Variants in KCNH7 observed in about 807,000 individuals in gnomAD.
The protein encoded by KCNH7 is voltage-gated inwardly rectifying potassium channel KCNH7.
Under a neutral mutation model 120.8 loss-of-function variants are expected in KCNH7, and 49 were observed. The observed-to-expected ratio is 0.41, with a 90% CI of 0.32 to 0.51. KCNH7 has a LOEUF of 0.51. Ranked by LOEUF, KCNH7 falls within the 20% of genes least tolerant of loss-of-function variation. The pLI, the probability that KCNH7 is intolerant of heterozygous loss-of-function variation, is 0.38. For synonymous variants in KCNH7, 547 were observed against 516.1 expected (o/e 1.06, Z -0.81); for missense variants, 1,097 against 1,446.6 (o/e 0.76, Z 3.92).
At chr2:162,567,540 G>C (rs1693299555) in intron 2 of KCNH7, among the ~76,000 whole-genome samples, 1 of 151,958 alleles carries the variant, frequency 6.6e-6, no homozygotes, top group South Asian at 2.1e-4. Flanking sequence ...CTTCAGTAGA[G>C]CATCCAAGTG....
chr2:162,526,021 T>C (rs1225921641), intron 3 of KCNH7, among the ~76,000 whole-genome samples: 2 of 151,992 alleles, frequency 1.3e-5, no homozygotes, highest in East Asian at 3.9e-4. Flanking sequence ...TTTTCTATTT[T>C]CCCTAAGTGT....
chr2:162,554,195 A>G lies in KCNH7; in HGVS notation c.308-17115T>C, dbSNP rs555733822. On this transcript the variant is annotated intron_variant, in intron 2 of 15. Coordinates refer to ENST00000332142, the MANE Select transcript of KCNH7 (RefSeq NM_033272.4). ...TGCCTCTGGTGAGAAACTGTGAATT[A>G]CTTGTTTGGTAAAATCAAGACAACA... is the stretch of plus-strand genomic sequence containing the variant. Among the ~76,000 whole-genome samples, 29 of 152,300 alleles carry G rather than the reference A, an allele frequency of 1.9e-4. No individual in the cohort carries two copies. In the South Asian group the frequency reaches 5.6e-3, roughly 29 times the overall value.
intron 2 of KCNH7, among the ~76,000 whole-genome samples, chr2:162,736,235 G>A (rs1033787916): frequency 6.6e-6 from 1 of 152,168 alleles, no homozygotes; most frequent in Non-Finnish European, 1.5e-5. Context: ...CTCATGCAAT[G>A]AGTTGCTTTT....
At chr2:162,758,549 C>A (rs928212268) in intron 2 of KCNH7, among the ~76,000 whole-genome samples, 9 of 151,542 alleles carry the variant, frequency 5.9e-5, no homozygotes, top group Admixed American at 5.9e-4. Flanking sequence ...ATATATGTGG[C>A]TACATATACA....
intron 2 of KCNH7, among the ~76,000 whole-genome samples, chr2:162,821,199 C>T (rs953634166): frequency 6.6e-6 from 1 of 152,212 alleles, no homozygotes; most frequent in Non-Finnish European, 1.5e-5. Context: ...GTCAAAGATA[C>T]CTTGTAAGGG....
intron 2 of KCNH7, among the ~76,000 whole-genome samples, chr2:162,597,529 C>T (rs1694418559): frequency 6.6e-6 from 1 of 151,940 alleles, no homozygotes; most frequent in Non-Finnish European, 1.5e-5. Flanking sequence ...TTATCAGAGG[C>T]TGGGGAGGTA....
chr2:162,674,112 T>C (rs1479334421), intron 2 of KCNH7, among the ~76,000 whole-genome samples: 1 of 151,830 alleles, frequency 6.6e-6, no homozygotes, highest in Non-Finnish European at 1.5e-5. Flanking sequence ...AGATGACACA[T>C]TTATATACAA....
chr2:162,687,218 G>T (rs9808539), intron 2 of KCNH7, among the ~76,000 whole-genome samples: 1 of 151,804 alleles, frequency 6.6e-6, no homozygotes, highest in Admixed American at 6.6e-5. Flanking sequence ...GACGATTTGC[G>T]TTGCCATGTA....
intron 2 of KCNH7, among the ~76,000 whole-genome samples, chr2:162,820,630 T>C (rs982489192): frequency 4.6e-5 from 7 of 152,200 alleles, no homozygotes; most frequent in African/African-American, 1.7e-4. Context: ...TTTCTTTCTT[T>C]CTTTTTCTTT....
intron 2 of KCNH7, among the ~76,000 whole-genome samples, chr2:162,728,205 G>A (rs2105386271): frequency 6.6e-6 from 1 of 150,908 alleles, no homozygotes; most frequent in African/African-American, 2.4e-5. Flanking sequence ...TAAAACGTAA[G>A]TAGTGGTTTA....
chr2:162,639,548 G>A (rs1450780381), intron 2 of KCNH7, among the ~76,000 whole-genome samples: 2 of 151,948 alleles, frequency 1.3e-5, no homozygotes, highest in East Asian at 3.9e-4. Flanking sequence ...TCTTTACCTG[G>A]CCTGTTATGG....
Position 162,557,163 on chromosome 2 carries a change from G to A in KCNH7, c.308-20083C>T, listed in dbSNP as rs191623700. Among the ~76,000 whole-genome samples the A allele has an allele frequency of 1.6e-3, 247 of 152,268 alleles. 1 individual carries two copies. Among genetic ancestry groups the A allele is most frequent in the Non-Finnish European group, 2.7e-3 (183 of 68,024 alleles). On this transcript the variant is annotated intron_variant, in intron 2 of 15. Coordinates refer to ENST00000332142, the MANE Select transcript of KCNH7 (RefSeq NM_033272.4). The stretch of plus-strand genomic sequence containing the variant: ...CTGCTGTCATCTGAAGGCTGACTTC[G>A]GAAATTCAAGACGGTGCACTCATAT...
intron 9 of KCNH7, among the ~76,000 whole-genome samples, chr2:162,412,883 T>C (rs1244374685): frequency 4.6e-5 from 7 of 152,286 alleles, no homozygotes; most frequent in Admixed American, 2.6e-4. Context: ...TCCTTGAAAT[T>C]ATTAGTAAAT....
intron 13 of KCNH7, among the ~76,000 whole-genome samples, chr2:162,380,293 T>C (rs1015821737): frequency 1.3e-5 from 2 of 152,104 alleles, no homozygotes; most frequent in African/African-American, 4.8e-5. Context: ...TTTCTGTTTG[T>C]GCTAGGAGAA....
rs554788885 is a variant in KCNH7, at chr2:162,684,616, A to C, written c.308-147536T>G. ...GAAAAAAAGCTCATCATCACTGGTCATTAGAGAAATGCAAATCAAAACCAC... is the reference window on the plus strand; with the variant it reads ...GAAAAAAAGCTCATCATCACTGGTCCTTAGAGAAATGCAAATCAAAACCAC... On this transcript the variant is annotated intron_variant, in intron 2 of 15. Transcript: ENST00000332142. Among the ~76,000 whole-genome samples, 205 of 152,342 alleles carry C rather than the reference A, an allele frequency of 1.3e-3. 2 individuals carry two copies. Among genetic ancestry groups the C allele is most frequent in the Non-Finnish European group, 2.1e-3 (143 of 68,014 alleles).
At chr2:162,754,423 T>A (rs918413986) in intron 2 of KCNH7, among the ~76,000 whole-genome samples, 1 of 152,030 alleles carries the variant, frequency 6.6e-6, no homozygotes, top group Non-Finnish European at 1.5e-5. Flanking sequence ...CTAGCAAAAA[T>A]TAAATTAATG....
At chr2:162,451,496 A>T (rs1185325038) in intron 6 of KCNH7, among the ~76,000 whole-genome samples, 1 of 152,068 alleles carries the variant, frequency 6.6e-6, no homozygotes. Context: ...CTATGGATCC[A>T]AAATTTAGGC....
At chr2:162,403,907 G>A (rs1241991180) in intron 9 of KCNH7, among the ~76,000 whole-genome samples, 1 of 151,978 alleles carries the variant, frequency 6.6e-6, no homozygotes, top group Non-Finnish European at 1.5e-5. Context: ...AATAGAGGTA[G>A]AAGTACATTG....
intron 2 of KCNH7, among the ~76,000 whole-genome samples, chr2:162,590,361 A>C (rs572381498): frequency 6.6e-6 from 1 of 152,106 alleles, no homozygotes; most frequent in Non-Finnish European, 1.5e-5. Flanking sequence ...GGAAAGAGCT[A>C]GAGCAAGTAT....
Sources: allele counts gnomAD v4.1 joint callset (sites outside exome capture counted in the v4.1 genomes callset), GRCh38; gene constraint gnomAD v4.1.1; transcripts MANE v1.5; gene names NCBI Gene and HGNC (gene_info 2026-07-23, HGNC 2026-07-21).